Variants in CSMD1 observed in about 807,000 individuals in gnomAD.
CSMD1 encodes CUB and Sushi multiple domains 1.
CSMD1 carries 213 observed loss-of-function variants against 417.5 expected under a neutral mutation model. The ratio of observed to expected loss-of-function variants is 0.51; its 90% CI spans 0.46 to 0.57. CSMD1 has a LOEUF of 0.57. CSMD1 is among the 20% of genes least tolerant of loss of function. CSMD1 has a pLI of 0.00. For synonymous variants in CSMD1, 2,862 were observed against 1,736.8 expected (o/e 1.65, Z -16.11); for missense variants, 6,923 against 4,529.7 (o/e 1.53, Z -15.17).
intron 1 of CSMD1, among the ~76,000 whole-genome samples, chr8:4,719,793 G>C (rs1440463900): frequency 6.6e-6 from 1 of 152,092 alleles, no homozygotes; most frequent in African/African-American, 2.4e-5. Context: ...CCCTTTGAGA[G>C]CTTGAACTAT....
chr8:4,559,005 G>A (rs867008163), intron 2 of CSMD1, among the ~76,000 whole-genome samples: 83 of 152,066 alleles, frequency 5.5e-4, no homozygotes, highest in African/African-American at 1.9e-3. Flanking sequence ...TTTCTTGATT[G>A]TACATTCATC....
At chr8:3,300,299 A>T (rs1354888507) in intron 25 of CSMD1, among the ~76,000 whole-genome samples, 4 of 152,138 alleles carry the variant, frequency 2.6e-5, no homozygotes, top group Admixed American at 1.3e-4. Context: ...TTAAAAAGCT[A>T]TATCACCTTT....
At chr8:4,416,429 T>C (rs1488338278) in intron 3 of CSMD1, among the ~76,000 whole-genome samples, 4 of 152,092 alleles carry the variant, frequency 2.6e-5, no homozygotes, top group African/African-American at 9.7e-5. Context: ...TTCCCAAATA[T>C]TTTAGAAAAC....
At chr8:3,174,417 C>T (rs1417164486) in intron 37 of CSMD1, among the ~76,000 whole-genome samples, 1 of 152,170 alleles carries the variant, frequency 6.6e-6, no homozygotes, top group African/African-American at 2.4e-5. Flanking sequence ...ATTGCTTGAA[C>T]CCAAGAGGTT....
chr8:4,837,788 C>T (rs778240749), intron 1 of CSMD1, among the ~76,000 whole-genome samples: 5 of 151,850 alleles, frequency 3.3e-5, no homozygotes, highest in Admixed American at 1.3e-4. Flanking sequence ...GGATAAATGC[C>T]GGCTGGGATG....
At chr8:4,597,578 A>G (rs1045554352) in intron 2 of CSMD1, among the ~76,000 whole-genome samples, 5 of 152,236 alleles carry the variant, frequency 3.3e-5, no homozygotes, top group African/African-American at 4.8e-5. Flanking sequence ...TGCAACAAAA[A>G]AAGAAATAAA....
At chr8:4,628,790 C>T (rs1393940664) in intron 2 of CSMD1, among the ~76,000 whole-genome samples, 1 of 152,072 alleles carries the variant, frequency 6.6e-6, no homozygotes. Context: ...CTACTGAAAT[C>T]ACTACAACCT....
At chr8:3,143,585 G>A (rs1467761880) in intron 40 of CSMD1, among the ~76,000 whole-genome samples, 3 of 152,046 alleles carry the variant, frequency 2.0e-5, no homozygotes, top group East Asian at 3.9e-4. Context: ...ACTCATTTAA[G>A]CAATTTATAT....
intron 10 of CSMD1, 95 bp from the exon 11 acceptor site, chr8:3,493,821 T>G: frequency 1.1e-6 from 1 of 925,714 alleles, no homozygotes; most frequent in Non-Finnish European, 1.7e-6. Flanking sequence ...TGTTAAATTT[T>G]GCTCCTTAAT....
chr8:2,991,240 T>C (rs1468378856), intron 54 of CSMD1, among the ~76,000 whole-genome samples: 1 of 152,210 alleles, frequency 6.6e-6, no homozygotes, highest in East Asian at 1.9e-4. Flanking sequence ...AATGCTAAAA[T>C]ACTTCTTAAT....
At chr8:3,121,689 C>CT (rs1817215527) in intron 41 of CSMD1, among the ~76,000 whole-genome samples, 1 of 152,090 alleles carries the variant, frequency 6.6e-6, no homozygotes, top group Non-Finnish European at 1.5e-5. Flanking sequence ...GTCCCAGTTA[C>CT]TAGGGAGGCT....
intron 3 of CSMD1, among the ~76,000 whole-genome samples, chr8:4,168,709 C>CA (rs1173278612): frequency 6.6e-6 from 1 of 152,020 alleles, no homozygotes; most frequent in Non-Finnish European, 1.5e-5. Flanking sequence ...TTTTAAAACA[C>CA]AAAAAAAGAA....
At chr8:4,971,044 C>A (rs1480002875) in intron 1 of CSMD1, among the ~76,000 whole-genome samples, 2 of 151,948 alleles carry the variant, frequency 1.3e-5, no homozygotes, top group Non-Finnish European at 2.9e-5. Context: ...TTGACTTAGT[C>A]TTAACTAACT....
intron 3 of CSMD1, among the ~76,000 whole-genome samples, chr8:4,130,635 G>A (rs866692574): frequency 3.3e-5 from 5 of 151,980 alleles, no homozygotes; most frequent in African/African-American, 4.8e-5. Flanking sequence ...ATTTGTCCTT[G>A]TGAACTTGTG....
chr8:4,456,913 C>G (rs1344207058), intron 2 of CSMD1, among the ~76,000 whole-genome samples: 1 of 151,338 alleles, frequency 6.6e-6, no homozygotes, highest in South Asian at 2.1e-4. Context: ...CAGTTTCCAC[C>G]CACCAACTGT....
intron 10 of CSMD1, among the ~76,000 whole-genome samples, chr8:3,509,681 C>T (rs1461676587): frequency 6.6e-6 from 1 of 152,296 alleles, no homozygotes; most frequent in Non-Finnish European, 1.5e-5. Context: ...ACAAAAGATG[C>T]TTAATCATCT....
At chr8:3,345,286 A>G (rs1195443878) in intron 22 of CSMD1, among the ~76,000 whole-genome samples, 5 of 152,166 alleles carry the variant, frequency 3.3e-5, no homozygotes, top group Non-Finnish European at 5.9e-5. Flanking sequence ...TCATGGTTAC[A>G]ACCACTAAAA....
chr8:3,281,655 T>C (rs1202343352), intron 26 of CSMD1, among the ~76,000 whole-genome samples: 1 of 151,672 alleles, frequency 6.6e-6, no homozygotes, highest in Non-Finnish European at 1.5e-5. Flanking sequence ...GTGAAAAGAG[T>C]GATTGCTAGG....
chr8:3,285,942 C>A (rs975765488), intron 25 of CSMD1, among the ~76,000 whole-genome samples: 4 of 152,034 alleles, frequency 2.6e-5, no homozygotes, highest in Non-Finnish European at 5.9e-5. Flanking sequence ...ATTAACTCAC[C>A]ATTTAACATT....
Sources: allele counts gnomAD v4.1 joint callset (sites outside exome capture counted in the v4.1 genomes callset), GRCh38; gene constraint gnomAD v4.1.1; transcripts MANE v1.5; gene names NCBI Gene and HGNC (gene_info 2026-07-23, HGNC 2026-07-21).